The following QSER1 variants were observed in gnomAD, a reference collection of about 807,000 sequenced individuals.
QSER1 encodes glutamine and serine-rich protein 1.
A neutral mutation model predicts 158.5 loss-of-function variants in QSER1; 49 were observed. The observed-to-expected ratio is 0.31, with a 90% CI of 0.25 to 0.39. The LOEUF (loss-of-function observed/expected upper bound fraction) is 0.39, where lower values mean the gene tolerates loss of function less well. Ranked by LOEUF, QSER1 falls within the 10% of genes least tolerant of loss-of-function variation. The pLI is 1.00. For missense variants in QSER1, 1,754 were observed against 2,010.3 expected (o/e 0.87, Z 2.44); for synonymous variants, 650 against 715.5 (o/e 0.91, Z 1.46).
intron 1 of QSER1, among the ~76,000 whole-genome samples, chr11:32,911,132 C>G (rs1355740860): frequency 2.0e-5 from 3 of 152,106 alleles, no homozygotes; most frequent in Non-Finnish European, 4.4e-5. Context: ...CCTGGTTTTC[C>G]TCTTAAGTTT....
At chr11:32,941,197 C>CT (rs1852225543) in intron 4 of QSER1, among the ~76,000 whole-genome samples, 1 of 135,174 alleles carries the variant, frequency 7.4e-6, no homozygotes, top group Non-Finnish European at 1.6e-5. Flanking sequence ...TGTCTGTTTC[C>CT]TAGTAGTTTT....
At chr11:32,927,923 T>TG (rs1372792655) in intron 2 of QSER1, 39 bp from the exon 3 acceptor site, 1 of 534,308 alleles carries the variant, frequency 1.9e-6, no homozygotes, top group Non-Finnish European at 3.1e-6. Context: ...GTAAATTTTT[T>TG]TTTTTTTACT....
At chr11:32,951,114 CCATT>C (rs1852414367) in intron 4 of QSER1, among the ~76,000 whole-genome samples, 1 of 152,160 alleles carries the variant, frequency 6.6e-6, no homozygotes, top group African/African-American at 2.4e-5. Context: ...TATAAGGATT[CCATT>C]CATTCCACTT....
Position 32,932,997 on chromosome 11 carries a change from T to C in QSER1, c.1739T>C (p.Leu580Ser), listed in dbSNP as rs927939798. ...QVSYSSQSQV[L>S]SVVSLSESYA... ...AGCTATTCATCTCAATCACAAGTTTTGTCAGTTGTTAGTCTTTCAGAAAGC... is the reference window on the plus strand; with the variant it reads ...AGCTATTCATCTCAATCACAAGTTTCGTCAGTTGTTAGTCTTTCAGAAAGC... The change falls in exon 4 of 13, where the codon TTG (leucine) becomes TCG (serine). Residue 580 changes from leucine to serine, a missense_variant. Coordinates refer to ENST00000650167, the MANE Select transcript of QSER1 (RefSeq NM_001076786.3). 1.9e-6 allele frequency: 3 copies of C among 1,612,380 alleles called. No individual in the cohort carries two copies. In the African/African-American group the frequency reaches 4.0e-5, roughly 22 times the overall value.
At chr11:32,967,660 A>C (rs993390966) in intron 9 of QSER1, among the ~76,000 whole-genome samples, 21 of 152,164 alleles carry the variant, frequency 1.4e-4, no homozygotes, top group Non-Finnish European at 2.2e-4. Context: ...TTAACCTTAA[A>C]ACAACTTAGA....
At chr11:32,952,732 G>A (rs1235694985) in intron 4 of QSER1, among the ~76,000 whole-genome samples, 2 of 150,734 alleles carry the variant, frequency 1.3e-5, no homozygotes, top group Non-Finnish European at 3.0e-5. Context: ...TTCTTTGTGG[G>A]ATGTTTTAAA....
At chr11:32,970,946 C>CA (rs1554932965) in intron 10 of QSER1, among the ~76,000 whole-genome samples, 1 of 76,870 alleles carries the variant, frequency 1.3e-5, no homozygotes, top group African/African-American at 5.5e-5. Flanking sequence ...AAGCAATTTG[C>CA]TTTTTTTTTT....
intron 1 of QSER1, among the ~76,000 whole-genome samples, chr11:32,918,241 G>T (rs1851860096): frequency 6.6e-6 from 1 of 152,100 alleles, no homozygotes; most frequent in Non-Finnish European, 1.5e-5. Flanking sequence ...AGTGAATAAA[G>T]CAAAGGCCCT....
intron 1 of QSER1, among the ~76,000 whole-genome samples, chr11:32,913,952 A>AT (rs1404090339): frequency 6.6e-6 from 1 of 152,066 alleles, no homozygotes; most frequent in Non-Finnish European, 1.5e-5. Flanking sequence ...TCCCTCGTTT[A>AT]TTTTTTCAAA....
At chr11:32,961,169 A>C (rs906763708) in intron 8 of QSER1, among the ~76,000 whole-genome samples, 8 of 152,168 alleles carry the variant, frequency 5.3e-5, no homozygotes, top group African/African-American at 1.7e-4. Context: ...TTTTGGCTAA[A>C]GTATCAAGAA....
Position 32,934,556 on chromosome 11 carries a change from G to A in QSER1, c.3298G>A (p.Glu1100Lys). The A allele has an allele frequency of 6.2e-7, 1 of 1,613,466 alleles. No homozygotes were observed. Among genetic ancestry groups the A allele is most frequent in the Non-Finnish European group, 8.5e-7 (1 of 1,179,960 alleles). The part of the protein sequence containing the change: ...AVVGPSHEVQ[E>K]QSSGPFKKQS... ...GGTTGGACCAAGTCATGAAGTCCAGGAGCAAAGTTCTGGCCCATTCAAGAA... is the reference window on the plus strand; with the variant it reads ...GGTTGGACCAAGTCATGAAGTCCAGAAGCAAAGTTCTGGCCCATTCAAGAA... The change falls in exon 4 of 13, where the codon GAG (glutamate) becomes AAG (lysine). Residue 1100 changes from glutamate to lysine, a missense_variant. Around this residue, in one of 2 missense-constraint regions of QSER1, gnomAD observed 1,707 missense variants for 1,919.6 expected, o/e 0.89. Transcript: ENST00000650167.
At chr11:32,911,487 TATG>T (rs1564927574) in intron 1 of QSER1, among the ~76,000 whole-genome samples, 2 of 152,372 alleles carry the variant, frequency 1.3e-5, no homozygotes, top group Non-Finnish European at 2.9e-5. Flanking sequence ...AGTTGATCCC[TATG>T]ATATGGTTTG....
At position 32,934,472 on chromosome 11, in the gene QSER1, G is replaced by C; in HGVS notation, c.3214G>C (p.Asp1072His). 1 of 1,613,708 alleles carries C rather than the reference G, an allele frequency of 6.2e-7. No individual in the cohort carries two copies. The highest frequency in any genetic ancestry group is 8.5e-7 in the Non-Finnish European group (1 of 1,179,996). ...TGCCCTTCAGTCAAAAATGACTCTT[G>C]ATCAACAGCACATTGAAACACCTGG... ...VPALQSKMTL[D>H]QQHIETPGQN... Residue 1072 changes from aspartate (D) to histidine (H), a missense_variant, in exon 4 of 13, where the codon GAT (aspartate) becomes CAT (histidine). Physicochemically the swap from Asp to His is moderately conservative, Grantham distance 81. This residue lies in a region of QSER1 where 1,707 missense variants were observed against 1,919.6 expected (regional missense o/e 0.89). Transcript: ENST00000650167.
chr11:32,904,104 T>C (rs1177522353), intron 1 of QSER1, among the ~76,000 whole-genome samples: 1 of 152,202 alleles, frequency 6.6e-6, no homozygotes, highest in Non-Finnish European at 1.5e-5. Flanking sequence ...TAACACAGTT[T>C]CCTTACATTG....
At position 32,980,049 on chromosome 11, in the gene QSER1, T is replaced by C. The variant is rs1422064689; in HGVS notation, c.*3575T>C. The C allele has an allele frequency of 6.6e-6, 1 of 152,658 alleles. No individual in the cohort carries two copies. Among genetic ancestry groups the C allele is most frequent in the Non-Finnish European group, 1.5e-5 (1 of 68,038 alleles). The allele number at this position is 152,658 out of a possible 1,614,324, so 9.5% of individuals were successfully genotyped here. On this transcript the variant is annotated 3_prime_UTR_variant, in exon 13 of 13. Coordinates refer to ENST00000650167, the MANE Select transcript of QSER1 (RefSeq NM_001076786.3). ...TTGGTTGTGCATTAACTTACATGTA[T>C]AATTTTTGGCATCTGTGTTCACAAA...
intron 1 of QSER1, among the ~76,000 whole-genome samples, chr11:32,894,125 G>C (rs1171049850): frequency 2.0e-5 from 3 of 152,188 alleles, no homozygotes; most frequent in Admixed American, 2.0e-4. Context: ...AAGAACCAAA[G>C]CATGCTTCTC....
chr11:32,975,573 T>C (rs2133618819), intron 12 of QSER1: 1 of 1,351,760 alleles, frequency 7.4e-7, no homozygotes, highest in African/African-American at 1.5e-5. Flanking sequence ...TAATTGGTAA[T>C]GTTTTGAAGC....
intron 4 of QSER1, among the ~76,000 whole-genome samples, chr11:32,947,867 T>G (rs1852361652): frequency 6.6e-6 from 1 of 152,258 alleles, no homozygotes; most frequent in Admixed American, 6.5e-5. Flanking sequence ...TTTTTCCCAC[T>G]TAATGATTTC....
chr11:32,901,170 A>C (rs960850910), intron 1 of QSER1, among the ~76,000 whole-genome samples: 1 of 152,214 alleles, frequency 6.6e-6, no homozygotes, highest in Non-Finnish European at 1.5e-5. Context: ...CAGTTTCCTT[A>C]TGTAAAATGA....
Sources: gnomAD v4.1 joint callset for allele counts (sites outside exome capture counted in the v4.1 genomes callset) on GRCh38, gnomAD v4.1.1 for gene constraint, gnomAD v4.1.1 regional missense constraint, MANE v1.5 for transcripts, NCBI Gene and HGNC (gene_info 2026-07-23, HGNC 2026-07-21) for gene names.